Variants in AUNIP observed in about 807,000 individuals in gnomAD.
AUNIP encodes the protein aurora kinase A and ninein interacting protein.
Under a neutral mutation model 12.2 loss-of-function variants are expected in AUNIP, and 16 were observed. That is an observed-to-expected ratio of 1.31 (90% CI 0.88 to 1.99). The LOEUF (loss-of-function observed/expected upper bound fraction) is 1.99. AUNIP is among the 30% of genes most tolerant of loss of function. The pLI is 0.00. For synonymous variants in AUNIP, 142 were observed against 154.8 expected (o/e 0.92, Z 0.61); for missense variants, 411 against 419.1 (o/e 0.98, Z 0.17).
At chr1:25,843,065 C>A (rs1217039664) in intron 1 of AUNIP, among the ~76,000 whole-genome samples, 2 of 151,278 alleles carry the variant, frequency 1.3e-5, no homozygotes, top group Non-Finnish European at 2.9e-5. Context: ...CCTGTAGTCC[C>A]AGCTACTTGG....
At chr1:25,848,839 G>C in intron 1 of AUNIP, among the ~76,000 whole-genome samples, 1 of 152,212 alleles carries the variant, frequency 6.6e-6, no homozygotes, top group Non-Finnish European at 1.5e-5. Flanking sequence ...TCACTGCTGA[G>C]AGCAGTTGGC....
At chr1:25,843,706 T>C (rs1384400510) in intron 1 of AUNIP, among the ~76,000 whole-genome samples, 1 of 151,960 alleles carries the variant, frequency 6.6e-6, no homozygotes, top group African/African-American at 2.4e-5. Flanking sequence ...GTGGATGACT[T>C]TGCAGTATTT....
intron 1 of AUNIP, among the ~76,000 whole-genome samples, chr1:25,852,099 T>A (rs569945987): frequency 2.6e-4 from 39 of 152,060 alleles, no homozygotes; most frequent in Non-Finnish European, 4.7e-4. Context: ...ACTACAGGCA[T>A]GTACCACCAC....
intron 1 of AUNIP, among the ~76,000 whole-genome samples, chr1:25,838,454 G>A (rs111640531): frequency 2.0e-5 from 3 of 151,884 alleles, no homozygotes; most frequent in Non-Finnish European, 2.9e-5. Flanking sequence ...AATGAGCCGA[G>A]ATTGTGCCAC....
chr1:25,855,611 T>A (rs1451221371), intron 1 of AUNIP, among the ~76,000 whole-genome samples: 4 of 152,224 alleles, frequency 2.6e-5, no homozygotes, highest in Non-Finnish European at 5.9e-5. Context: ...ACTACTATTG[T>A]CTACTGGCCA....
At chr1:25,848,838 A>G (rs2048405429) in intron 1 of AUNIP, among the ~76,000 whole-genome samples, 1 of 152,256 alleles carries the variant, frequency 6.6e-6, no homozygotes, top group Non-Finnish European at 1.5e-5. Flanking sequence ...ATCACTGCTG[A>G]GAGCAGTTGG....
rs570224400 is a variant in AUNIP at position 25,835,676 on chromosome 1, C to T, written c.391G>A (p.Gly131Arg). 4 of 1,614,054 alleles carry T rather than the reference C, an allele frequency of 2.5e-6. No individual in the cohort carries two copies. In the African/African-American group the frequency reaches 5.3e-5, roughly 22 times the overall value. The change falls in exon 3 of 3, where the codon GGA becomes AGA. Residue 131 changes from glycine to arginine, a missense_variant. Gly to Arg is a moderately radical substitution (Grantham distance 125). Transcript: ENST00000374298. ...GTCTGGAGGGACTGAGGAGAGAGTCCAGCTTCCTGGATGTCTGCAGTGGTT... is the reference window on the plus strand; with the variant it reads ...GTCTGGAGGGACTGAGGAGAGAGTCTAGCTTCCTGGATGTCTGCAGTGGTT... ...TSTTADIQEA[G>R]LSPQSLQTSG...
intron 1 of AUNIP, among the ~76,000 whole-genome samples, chr1:25,845,240 C>G (rs2048373696): frequency 6.6e-6 from 1 of 152,178 alleles, no homozygotes; most frequent in African/African-American, 2.4e-5. Context: ...CACATAACTT[C>G]TAGATTAATC....
chr1:25,840,515 T>C (rs375361916), intron 1 of AUNIP, among the ~76,000 whole-genome samples: 8 of 152,224 alleles, frequency 5.3e-5, no homozygotes, highest in South Asian at 2.1e-4. Flanking sequence ...TTTTCAAAGA[T>C]AGCCAATACG....
intron 1 of AUNIP, among the ~76,000 whole-genome samples, chr1:25,852,459 T>G (rs1283426265): frequency 1.5e-5 from 2 of 130,746 alleles, no homozygotes; most frequent in Admixed American, 7.4e-5. Context: ...TTTTTTTTTT[T>G]GTTGTTTTTT....
Position 25,834,450 on chromosome 1 carries a change from C to T in AUNIP, c.*543G>A. The T allele has an allele frequency of 6.2e-6, 5 of 807,570 alleles. No individual in the cohort carries two copies. Among genetic ancestry groups the T allele is most frequent in the Non-Finnish European group, 7.5e-6 (5 of 668,200 alleles). The allele number at this position is 807,570 out of a possible 1,614,324, so 50.0% of individuals were successfully genotyped here. A position where few individuals can be genotyped will look rare whatever the true frequency, so the allele number is the denominator to read the frequency against. On this transcript the variant is annotated 3_prime_UTR_variant, in exon 3 of 3. Transcript: ENST00000374298. ...CTAATATGGTGAAACCTCGTCTCTA[C>T]TAAAAATCCAAAAAAAATTAGCTGG...
chr1:25,854,953 CTTTTTTTTTT>C (rs1159770557), intron 1 of AUNIP, among the ~76,000 whole-genome samples: 7 of 121,124 alleles, frequency 5.8e-5, no homozygotes, highest in Admixed American at 1.7e-4. Context: ...AGAATTCTTT[CTTTTTTTTTT>C]TTTTTTTTTT....
chr1:25,845,494 T>G (rs911942083), intron 1 of AUNIP, among the ~76,000 whole-genome samples: 1 of 152,054 alleles, frequency 6.6e-6, no homozygotes, highest in African/African-American at 2.4e-5. Context: ...TACACCCAGC[T>G]CCAAAACATA....
chr1:25,832,498 G>A (rs941264334), downstream of AUNIP: 1 of 292,788 alleles, frequency 3.4e-6, no homozygotes, highest in African/African-American at 2.1e-5. Context: ...AAAATCTTAT[G>A]CTGCTCCGTC....
chr1:25,836,332 G>T (rs1057305214), intron 2 of AUNIP, among the ~76,000 whole-genome samples: 1 of 152,186 alleles, frequency 6.6e-6, no homozygotes, highest in African/African-American at 2.4e-5. Context: ...CCAACTCTGA[G>T]AAACCTTCTG....
In AUNIP at chr1:25,835,494, T is replaced by A. The variant is rs765150381; in HGVS notation, c.573A>T (p.Lys191Asn). ...ATTCCCATTTCCTGGCAGAATCCCC[T>A]TTTTCTTCCTTTCGGTCTAGCAAAC... ...SSCLLDRKEE[K>N]GDSARKWEWL... The change falls in exon 3 of 3, where the codon AAA becomes AAT. Residue 191 changes from lysine to asparagine, a missense_variant. Lys to Asn is a moderately conservative substitution (Grantham distance 94, BLOSUM62 0). Transcript: ENST00000374298. 3.7e-6 allele frequency: 6 copies of A among 1,614,246 alleles called. No homozygotes were observed. In the South Asian group the frequency reaches 6.6e-5, roughly 18 times the overall value.
intron 1 of AUNIP, among the ~76,000 whole-genome samples, chr1:25,842,973 G>A (rs756698164): frequency 6.6e-6 from 1 of 152,004 alleles, no homozygotes; most frequent in Non-Finnish European, 1.5e-5. Context: ...TTGAGCCTAG[G>A]AGTTTGAGAC....
chr1:25,848,278 C>T (rs1184277416), intron 1 of AUNIP, among the ~76,000 whole-genome samples: 5 of 151,964 alleles, frequency 3.3e-5, no homozygotes, highest in South Asian at 4.1e-4. Context: ...TGCGGTGGCT[C>T]GTGCCTGTAA....
chr1:25,848,288 A>G (rs957715256), intron 1 of AUNIP, among the ~76,000 whole-genome samples: 75 of 151,988 alleles, frequency 4.9e-4, no homozygotes, highest in African/African-American at 1.5e-3. Flanking sequence ...CGTGCCTGTA[A>G]TCCCAACACA....
Sources: allele counts gnomAD v4.1 joint callset (sites outside exome capture counted in the v4.1 genomes callset), GRCh38; gene constraint gnomAD v4.1.1; transcripts MANE v1.5; gene names NCBI Gene and HGNC (gene_info 2026-07-23, HGNC 2026-07-21).